The following NOS1AP variants were observed in gnomAD, a reference collection of about 807,000 sequenced individuals.
NOS1AP encodes carboxyl-terminal PDZ ligand of neuronal nitric oxide synthase protein.
A neutral mutation model predicts 56.2 loss-of-function variants in NOS1AP; 21 were observed. That is an observed-to-expected ratio of 0.37 (90% confidence interval 0.26 to 0.54). The LOEUF (loss-of-function observed/expected upper bound fraction) is 0.54, where lower values mean the gene tolerates loss of function less well. Ranked by LOEUF, NOS1AP falls within the 20% of genes least tolerant of loss-of-function variation. NOS1AP has a pLI of 0.84. For synonymous variants in NOS1AP, 270 were observed against 274.6 expected (o/e 0.98, Z 0.17); for missense variants, 522 against 657.8 (o/e 0.79, Z 2.26).
chr1:162,266,897 G>C (rs1654439556), intron 2 of NOS1AP, among the ~76,000 whole-genome samples: 1 of 152,148 alleles, frequency 6.6e-6, no homozygotes, highest in African/African-American at 2.4e-5. Context: ...GTGTAAAGTG[G>C]CTTCTTAGGA....
At chr1:162,183,900 G>C (rs1651345300) in intron 2 of NOS1AP, among the ~76,000 whole-genome samples, 1 of 152,178 alleles carries the variant, frequency 6.6e-6, no homozygotes, top group Admixed American at 6.5e-5. Context: ...GTGTTCACTG[G>C]AGTAGCACTT....
In NOS1AP at chr1:162,369,110, T is replaced by C. The variant is rs989123380; in HGVS notation, c.*1643T>C. On this transcript the variant is annotated 3_prime_UTR_variant, in exon 10 of 10. Coordinates refer to ENST00000361897, the MANE Select transcript of NOS1AP (RefSeq NM_014697.3). ...GTGTGTGTGTGTACACATGTGTTTA[T>C]ATATACATGTGTGAGGGAAAGTGTG... 9 of 152,212 alleles carry C rather than the reference T, an allele frequency of 5.9e-5. No homozygotes were observed. The highest frequency in any genetic ancestry group is 8.8e-5 in the Non-Finnish European group (6 of 68,030). The allele number at this position is 152,212 out of a possible 1,614,324, so 9.4% of individuals were successfully genotyped here.
intron 2 of NOS1AP, among the ~76,000 whole-genome samples, chr1:162,237,172 G>T (rs1212301867): frequency 6.6e-6 from 1 of 152,202 alleles, no homozygotes; most frequent in East Asian, 1.9e-4. Flanking sequence ...CAGGCTGAAA[G>T]TCAAGATCCC....
intron 2 of NOS1AP, among the ~76,000 whole-genome samples, chr1:162,282,058 C>T (rs1057312940): frequency 6.6e-6 from 1 of 152,190 alleles, no homozygotes; most frequent in Non-Finnish European, 1.5e-5. Flanking sequence ...TGAGATTGCA[C>T]CATTGCACTC....
chr1:162,191,013 A>G (rs1426822771), intron 2 of NOS1AP, among the ~76,000 whole-genome samples: 1 of 152,088 alleles, frequency 6.6e-6, no homozygotes, highest in African/African-American at 2.4e-5. Context: ...ATGGCTCCCT[A>G]TCGTGTTACT....
At chr1:162,166,885 C>T (rs1239349184) in intron 2 of NOS1AP, among the ~76,000 whole-genome samples, 2 of 152,152 alleles carry the variant, frequency 1.3e-5, no homozygotes, top group Non-Finnish European at 2.9e-5. Context: ...GCAACTCAAG[C>T]CCTTTTGGTC....
At chr1:162,139,833 T>C (rs1206188520) in intron 1 of NOS1AP, among the ~76,000 whole-genome samples, 3 of 147,710 alleles carry the variant, frequency 2.0e-5, no homozygotes, top group Non-Finnish European at 3.0e-5. Flanking sequence ...GCCGTCTTAC[T>C]TTTTTTTTTT....
intron 2 of NOS1AP, among the ~76,000 whole-genome samples, chr1:162,242,142 G>C (rs1028120200): frequency 3.9e-5 from 6 of 152,210 alleles, no homozygotes; most frequent in Non-Finnish European, 7.3e-5. Context: ...AACTAGGCTT[G>C]AGAGAGTAAG....
At chr1:162,080,590 G>A (rs1385887340) in intron 1 of NOS1AP, among the ~76,000 whole-genome samples, 1 of 152,226 alleles carries the variant, frequency 6.6e-6, no homozygotes, top group Non-Finnish European at 1.5e-5. Context: ...GTGTGTTGGG[G>A]AGAGAGAAAG....
chr1:162,333,226 C>T (rs1026260421), intron 5 of NOS1AP, 101 bp downstream of exon 5: 32 of 767,840 alleles, frequency 4.2e-5, no homozygotes, highest in Middle Eastern at 2.3e-4. Flanking sequence ...GTGGTAATGC[C>T]GACATGGGGC....
At chr1:162,153,346 C>T (rs1330497418) in intron 1 of NOS1AP, among the ~76,000 whole-genome samples, 1 of 152,168 alleles carries the variant, frequency 6.6e-6, no homozygotes, top group Non-Finnish European at 1.5e-5. Context: ...CCAGGCTGGT[C>T]TCGAACTCCT....
At chr1:162,220,232 T>C (rs997113382) in intron 2 of NOS1AP, among the ~76,000 whole-genome samples, 2 of 152,310 alleles carry the variant, frequency 1.3e-5, no homozygotes, top group East Asian at 3.9e-4. Flanking sequence ...CTTCTTTACA[T>C]GTGAATGGGA....
intron 6 of NOS1AP, among the ~76,000 whole-genome samples, chr1:162,350,799 C>G (rs1255900273): frequency 1.8e-5 from 2 of 110,106 alleles, no homozygotes; most frequent in African/African-American, 6.3e-5. Flanking sequence ...TATCCTTTGA[C>G]CTACATCTCT....
At chr1:162,244,949 T>G (rs1475574446) in intron 2 of NOS1AP, among the ~76,000 whole-genome samples, 1 of 152,164 alleles carries the variant, frequency 6.6e-6, no homozygotes, top group Non-Finnish European at 1.5e-5. Context: ...AAGATCTACT[T>G]CCTAACTATG....
At chr1:162,204,261 C>T (rs1419905383) in intron 2 of NOS1AP, among the ~76,000 whole-genome samples, 2 of 152,246 alleles carry the variant, frequency 1.3e-5, no homozygotes, top group Non-Finnish European at 2.9e-5. Context: ...TTCAGCAACA[C>T]CGTGCTCTCA....
In NOS1AP at chr1:162,287,386, A is replaced by T. The variant is rs1363633940; in HGVS notation, c.220A>T (p.Ile74Phe). ...AKNIKKKKVS[I>F]MVSVDGVKVI... ...GAACATCAAGAAGAAGAAAGTGAGC[A>T]TTATGGTTTCAGTGGATGGAGTGAA... is the stretch of plus-strand genomic sequence containing the variant. Residue 74 changes from isoleucine to phenylalanine, a missense_variant, in exon 3 of 10, where the codon ATT (isoleucine) becomes TTT (phenylalanine). Around this residue, in one of 4 missense-constraint regions of NOS1AP, gnomAD observed 132 missense variants for 218.1 expected, o/e 0.61. Coordinates refer to ENST00000361897, the MANE Select transcript of NOS1AP (RefSeq NM_014697.3). 3 of 1,613,622 alleles carry T rather than the reference A, an allele frequency of 1.9e-6. No homozygotes were observed. In the Admixed American group the frequency reaches 5.0e-5, roughly 27 times the overall value.
chr1:162,124,105 T>C (rs972526662), intron 1 of NOS1AP, among the ~76,000 whole-genome samples: 1 of 152,216 alleles, frequency 6.6e-6, no homozygotes, highest in Admixed American at 6.5e-5. Flanking sequence ...AGTAGTTTCA[T>C]TTTTCTTTGT....
intron 4 of NOS1AP, among the ~76,000 whole-genome samples, chr1:162,325,876 T>G (rs191165770): frequency 6.6e-6 from 1 of 151,952 alleles, no homozygotes; most frequent in Non-Finnish European, 1.5e-5. Flanking sequence ...GAGAAAAATC[T>G]CTATACCACA....
intron 2 of NOS1AP, among the ~76,000 whole-genome samples, chr1:162,280,046 G>A (rs1180255836): frequency 6.6e-6 from 1 of 152,158 alleles, no homozygotes; most frequent in African/African-American, 2.4e-5. Context: ...GGGTGCAGTG[G>A]CTAATGTCTG....
Sources: allele counts gnomAD v4.1 joint callset (sites outside exome capture counted in the v4.1 genomes callset), GRCh38; gene constraint gnomAD v4.1.1; regional missense constraint gnomAD v4.1.1; transcripts MANE v1.5; gene names NCBI Gene and HGNC (gene_info 2026-07-23, HGNC 2026-07-21).